The following OR51I2 variants were observed in gnomAD, a reference collection of about 807,000 sequenced individuals.
The protein encoded by OR51I2 is olfactory receptor family 51 subfamily I member 2, also known as olfactory receptor 51I2.
OR51I2 carries 6 observed loss-of-function variants against 9.3 expected under a neutral mutation model. That is an observed-to-expected ratio of 0.64 (90% CI 0.35 to 1.27). The LOEUF (loss-of-function observed/expected upper bound fraction) is 1.27, where lower values mean the gene tolerates loss of function less well. OR51I2 is among the 50% of genes most tolerant of loss of function. The pLI, the probability that OR51I2 is intolerant of heterozygous loss-of-function variation, is 0.03. For missense variants in OR51I2, 489 were observed against 396.4 expected, an observed-to-expected ratio of 1.23 and a Z score of -1.98; for synonymous variants, 179 against 143.1, an observed-to-expected ratio of 1.25 and a Z score of -1.79.
Position 5,454,248 on chromosome 11 carries a change from C to T in OR51I2, c.760C>T (p.Pro254Ser), listed in dbSNP as rs1850914100. Residue 254 changes from proline to serine, a missense_variant, in exon 2 of 2, where the codon CCA (proline) becomes TCA (serine). Pro to Ser is a moderately conservative substitution (Grantham distance 74). Coordinates refer to ENST00000641930, the MANE Select transcript of OR51I2 (RefSeq NM_001004754.3). ...HILAVLAFYV[P>S]MIGVSTVHRF... is the part of the protein sequence containing the mutation. Reference sequence around the variant, plus strand: ...CCTGGCTGTACTTGCATTTTATGTGCCAATGATTGGGGTCTCCACAGTGCA... The same window carrying T: ...CCTGGCTGTACTTGCATTTTATGTGTCAATGATTGGGGTCTCCACAGTGCA... 1 of 1,614,152 alleles carries T rather than the reference C, an allele frequency of 6.2e-7. No homozygotes were observed. The highest frequency in any genetic ancestry group is 8.5e-7 in the Non-Finnish European group (1 of 1,180,012).
chr11:5,454,315 T>G lies in OR51I2; in HGVS notation c.827T>G (p.Met276Arg). 6.2e-7 allele frequency: 1 copy of G among 1,614,194 alleles called. No homozygotes were observed. Residue 276 changes from methionine to arginine, a missense_variant, in exon 2 of 2, where the codon ATG (methionine) becomes AGG (arginine). Met to Arg is a moderately conservative substitution (Grantham distance 91). Coordinates refer to ENST00000641930, the MANE Select transcript of OR51I2 (RefSeq NM_001004754.3). ...GTCCCATGCTACATACATGTCCTCA[T>G]GTCAAATGTGTACCTATTTGTGCCT... is the stretch of plus-strand genomic sequence containing the variant. ...KHVPCYIHVL[M>R]SNVYLFVPPV...
In OR51I2 at chr11:5,454,111, G is replaced by A; in HGVS notation, c.623G>A (p.Gly208Asp). ...CTCTTTGTTCTTGTATCCACCTTTGGCATGGACCTGTTTTTTATCTTCCTC... is the reference window on the plus strand; with the variant it reads ...CTCTTTGTTCTTGTATCCACCTTTGACATGGACCTGTTTTTTATCTTCCTC... ...YGLFVLVSTFGMDLFFIFLSY... is the reference protein window; with the variant it reads ...YGLFVLVSTFDMDLFFIFLSY... The change falls in exon 2 of 2, where the codon GGC (glycine) becomes GAC (aspartate). Residue 208 changes from glycine (G) to aspartate (D), a missense_variant. Gly to Asp is a moderately conservative substitution (Grantham distance 94). Coordinates refer to ENST00000641930, the MANE Select transcript of OR51I2 (RefSeq NM_001004754.3). 1 of 1,614,056 alleles carries A rather than the reference G, an allele frequency of 6.2e-7. No individual in the cohort carries two copies. Among genetic ancestry groups the A allele is most frequent in the Non-Finnish European group, 8.5e-7 (1 of 1,180,020 alleles).
Position 5,455,026 on chromosome 11 carries a change from A to C in OR51I2, c.*599A>C, listed in dbSNP as rs1056860059. ...TTCTCAAACACTCATACATTGCTTT[A>C]ACTTCACAAAGTGAAATCAGCTTAA... On this transcript the variant is annotated 3_prime_UTR_variant, in exon 2 of 2. Transcript: ENST00000641930. The C allele has an allele frequency of 3.9e-5, 6 of 152,308 alleles. No individual in the cohort carries two copies. The highest frequency in any genetic ancestry group is 8.8e-5 in the Non-Finnish European group (6 of 68,116). 9.4% of individuals were successfully genotyped at this position (152,308 alleles called of 1,614,324 possible).
In OR51I2 at chr11:5,455,246, TA is replaced by T; in HGVS notation, c.*820del. The T allele has an allele frequency of 6.6e-6, 1 of 151,978 alleles. No individual in the cohort carries two copies. Among genetic ancestry groups the T allele is most frequent in the East Asian group, 1.9e-4 (1 of 5,190 alleles). 9.4% of individuals were successfully genotyped at this position (151,978 alleles called of 1,614,324 possible). On this transcript the variant is annotated 3_prime_UTR_variant, in exon 2 of 2. Transcript: ENST00000641930. The stretch of plus-strand genomic sequence containing the variant: ...TTTTGGGGGAAAGGGGGAATTGTGG[TA>T]GGGGCACAATTTCTATTTCTCTTTC...
chr11:5,453,676 T>C lies in OR51I2; in HGVS notation c.188T>C (p.Leu63Pro). The C allele has an allele frequency of 1.2e-6, 2 of 1,613,512 alleles. No individual in the cohort carries two copies. The highest frequency in any genetic ancestry group is 1.7e-6 in the Non-Finnish European group (2 of 1,179,680). ...PSLHEPMYYFLSMLSFSDVAI... is the reference protein window; with the variant it reads ...PSLHEPMYYFPSMLSFSDVAI... ...CTCCATGAGCCCATGTACTACTTCCTGTCCATGTTGTCCTTCAGTGATGTG... is the reference window on the plus strand; with the variant it reads ...CTCCATGAGCCCATGTACTACTTCCCGTCCATGTTGTCCTTCAGTGATGTG... Residue 63 changes from leucine to proline, a missense_variant, in exon 2 of 2, where the codon CTG becomes CCG. Physicochemically the swap from Leu to Pro is moderately conservative, Grantham distance 98. Coordinates refer to ENST00000641930, the MANE Select transcript of OR51I2 (RefSeq NM_001004754.3).
chr11:5,453,835 T>C lies in OR51I2; in HGVS notation c.347T>C (p.Leu116Pro). 6.2e-7 allele frequency: 1 copy of C among 1,614,258 alleles called. No individual in the cohort carries two copies. Among genetic ancestry groups the C allele is most frequent in the South Asian group, 1.1e-5 (1 of 91,086 alleles). Residue 116 changes from leucine (L) to proline (P), a missense_variant, in exon 2 of 2, where the codon CTG becomes CCG. Transcript: ENST00000641930. ...FFSMMESGILLAMSFDRYVAI... is the reference protein window; with the variant it reads ...FFSMMESGILPAMSFDRYVAI... ...TCCATGATGGAATCAGGTATTCTGC[T>C]GGCCATGAGTTTTGACCGCTATGTG...
intron 1 of OR51I2, among the ~76,000 whole-genome samples, chr11:5,451,880 A>G (rs535765840): frequency 1.3e-5 from 2 of 152,376 alleles, no homozygotes; most frequent in South Asian, 2.1e-4. Context: ...AGCCTTCTGT[A>G]TCCTCATCCA....
Position 5,454,020 on chromosome 11 carries a change from T to C in OR51I2, c.532T>C (p.Tyr178His), listed in dbSNP as rs761527002. 1.6e-5 allele frequency: 26 copies of C among 1,613,958 alleles called. No individual in the cohort carries two copies. In the Admixed American group the frequency reaches 4.3e-4, roughly 27 times the overall value. Residue 178 changes from tyrosine to histidine, a missense_variant, in exon 2 of 2, where the codon TAC becomes CAC. Tyr to His is a moderately conservative substitution (Grantham distance 83). Coordinates refer to ENST00000641930, the MANE Select transcript of OR51I2 (RefSeq NM_001004754.3). ...ICRSNVLSHSYCLHPDMMRLA... is the reference protein window; with the variant it reads ...ICRSNVLSHSHCLHPDMMRLA... ...CAGATCCAATGTTCTTTCTCACTCC[T>C]ACTGCCTGCACCCAGACATGATGAG... is the stretch of plus-strand genomic sequence containing the variant.
rs750561734 is a variant in OR51I2 at position 5,453,468 on chromosome 11, G to C, written c.-21G>C. 7 of 1,493,068 alleles carry C rather than the reference G, an allele frequency of 4.7e-6. No homozygotes were observed. Among genetic ancestry groups the C allele is most frequent in the Non-Finnish European group, 5.4e-6 (6 of 1,118,128 alleles). 92.5% of individuals were successfully genotyped at this position (1,493,068 alleles called of 1,614,324 possible). ...AAGTCAGAAGATCTGACTCTGAAAA[G>C]TACCCTAAGTTTGTTTTGCTATGGG... On this transcript the variant is annotated 5_prime_UTR_variant, in exon 2 of 2. Coordinates refer to ENST00000641930, the MANE Select transcript of OR51I2 (RefSeq NM_001004754.3).
chr11:5,455,540 A>C lies in OR51I2; in HGVS notation c.*1113A>C. 1 of 71,884 alleles carries C rather than the reference A, an allele frequency of 1.4e-5. No individual in the cohort carries two copies. Among genetic ancestry groups the C allele is most frequent in the African/African-American group, 4.0e-5 (1 of 25,050 alleles). The allele number at this position is 71,884 out of a possible 1,614,324, so 4.5% of individuals were successfully genotyped here. A position where few individuals can be genotyped will look rare whatever the true frequency, so the allele number is the denominator to read the frequency against. ...TCTACTTGTAGATCAAAAGAGAGCG[A>C]GGGATTGGGGGAGAAAGAAGGGGGG... On this transcript the variant is annotated 3_prime_UTR_variant, in exon 2 of 2. Coordinates refer to ENST00000641930, the MANE Select transcript of OR51I2 (RefSeq NM_001004754.3).
Position 5,453,833 on chromosome 11 carries a change from G to A in OR51I2, c.345G>A (p.Leu115=), listed in dbSNP as rs1850899629. The change falls in exon 2 of 2, where the codon CTG becomes CTA. Residue 115 remains leucine (L), a synonymous_variant. Coordinates refer to ENST00000641930, the MANE Select transcript of OR51I2 (RefSeq NM_001004754.3). ...TCTCCATGATGGAATCAGGTATTCT[G>A]CTGGCCATGAGTTTTGACCGCTATG... The part of the protein sequence containing the change: ...HFFSMMESGI[L]LAMSFDRYVA... 6.2e-7 allele frequency: 1 copy of A among 1,614,188 alleles called. No homozygotes were observed. The highest frequency in any genetic ancestry group is 2.2e-5 in the East Asian group (1 of 44,880).
chr11:5,455,582 A>T lies in OR51I2; in HGVS notation c.*1155A>T, dbSNP rs993329954. 6 of 150,314 alleles carry T rather than the reference A, an allele frequency of 4.0e-5. No individual in the cohort carries two copies. Among genetic ancestry groups the T allele is most frequent in the Admixed American group, 4.0e-4 (6 of 15,064 alleles). 9.3% of individuals were successfully genotyped at this position (150,314 alleles called of 1,614,324 possible). A position where few individuals can be genotyped will look rare whatever the true frequency, so the allele number is the denominator to read the frequency against. ...GAAGGGGGGAGAGAGAGAGAGAAAG[A>T]GAAAGAGAGAAAGAGAAAAAGAGAA... On this transcript the variant is annotated 3_prime_UTR_variant, in exon 2 of 2. Coordinates refer to ENST00000641930, the MANE Select transcript of OR51I2 (RefSeq NM_001004754.3).
At position 5,454,018 on chromosome 11, in the gene OR51I2, C is replaced by T. The variant is rs1242565993; in HGVS notation, c.530C>T (p.Ser177Phe). Reference sequence around the variant, plus strand: ...TGCAGATCCAATGTTCTTTCTCACTCCTACTGCCTGCACCCAGACATGATG... The same window carrying T: ...TGCAGATCCAATGTTCTTTCTCACTTCTACTGCCTGCACCCAGACATGATG... ...PICRSNVLSH[S>F]YCLHPDMMRL... The change falls in exon 2 of 2, where the codon TCC becomes TTC. Residue 177 changes from serine to phenylalanine, a missense_variant. Ser to Phe is a radical substitution (Grantham distance 155, BLOSUM62 -2). Transcript: ENST00000641930. The T allele has an allele frequency of 9.3e-6, 15 of 1,613,948 alleles. No homozygotes were observed. The Admixed American group carries it at 2.0e-4, about 22-fold the overall frequency.
chr11:5,450,401 G>GAATT (rs201113534), intron 1 of OR51I2, among the ~76,000 whole-genome samples: 2 of 151,862 alleles, frequency 1.3e-5, no homozygotes, highest in African/African-American at 2.4e-5. Context: ...ATAAATAAAT[G>GAATT]AATTAATTAA....
At position 5,453,629 on chromosome 11, in the gene OR51I2, G is replaced by C; in HGVS notation, c.141G>C (p.Gln47His). ...TTGGGGGAAATACAGTGATCCTGCA[G>C]GCTGTGCGAGTGGAGCCCAGCCTCC... ...VALGGNTVIL[Q>H]AVRVEPSLHE... The change falls in exon 2 of 2, where the codon CAG becomes CAC. Residue 47 changes from glutamine to histidine, a missense_variant. Transcript: ENST00000641930. 6.2e-7 allele frequency: 1 copy of C among 1,613,790 alleles called. No homozygotes were observed. Among genetic ancestry groups the C allele is most frequent in the Non-Finnish European group, 8.5e-7 (1 of 1,179,904 alleles).
intron 1 of OR51I2, among the ~76,000 whole-genome samples, chr11:5,451,185 C>G (rs1850841806): frequency 6.6e-6 from 1 of 152,202 alleles, no homozygotes; most frequent in African/African-American, 2.4e-5. Flanking sequence ...ACAAAATTAG[C>G]AATCCCCAAG....
At position 5,453,940 on chromosome 11, in the gene OR51I2, G is replaced by A. The variant is rs16931292; in HGVS notation, c.452G>A (p.Arg151Gln). The part of the protein sequence containing the change: ...IAAMGLGAAA[R>Q]SFITLFPLPF... ...GCAATGGGTTTAGGTGCAGCTGCTC[G>A]AAGCTTCATCACCCTTTTCCCTCTT... Residue 151 changes from arginine to glutamine, a missense_variant, in exon 2 of 2, where the codon CGA becomes CAA. Coordinates refer to ENST00000641930, the MANE Select transcript of OR51I2 (RefSeq NM_001004754.3). 4.2e-4 allele frequency: 680 copies of A among 1,614,076 alleles called. 1 individual carries two copies. In the African/African-American group the frequency reaches 6.4e-3, roughly 15 times the overall value.
intron 1 of OR51I2, among the ~76,000 whole-genome samples, chr11:5,449,922 T>C (rs1435205395): frequency 2.0e-5 from 3 of 152,200 alleles, no homozygotes; most frequent in Non-Finnish European, 4.4e-5. Flanking sequence ...ATGATACAGA[T>C]TGAAAACTGT....
Position 5,454,498 on chromosome 11 carries a change from A to C in OR51I2, c.*71A>C. 1 of 1,227,844 alleles carries C rather than the reference A, an allele frequency of 8.1e-7. No homozygotes were observed. The highest frequency in any genetic ancestry group is 2.3e-5 in the East Asian group (1 of 43,124). The allele number at this position is 1,227,844 out of a possible 1,614,324, so 76.1% of individuals were successfully genotyped here. A position where few individuals can be genotyped will look rare whatever the true frequency, so the allele number is the denominator to read the frequency against. ...CATCAGTAGCATCGTCATCATCATC[A>C]TCAAAGTATAAGATAGATTGTGTGC... On this transcript the variant is annotated 3_prime_UTR_variant, in exon 2 of 2. Transcript: ENST00000641930.
Sources: gnomAD v4.1 joint callset for allele counts (sites outside exome capture counted in the v4.1 genomes callset) on GRCh38, gnomAD v4.1.1 for gene constraint, MANE v1.5 for transcripts, NCBI Gene and HGNC (gene_info 2026-07-23, HGNC 2026-07-21) for gene names.